The following RSRC1 variants were observed in gnomAD, a reference collection of about 807,000 sequenced individuals.
RSRC1 encodes serine/Arginine-related protein 53.
Under a neutral mutation model 49.1 loss-of-function variants are expected in RSRC1, and 39 were observed. The observed-to-expected ratio is 0.79, with a 90% CI of 0.61 to 1.04. The LOEUF (loss-of-function observed/expected upper bound fraction) is 1.04. Ranked by LOEUF, RSRC1 falls within the 50% of genes least tolerant of loss-of-function variation. RSRC1 has a pLI of 0.00. For missense variants in RSRC1, 388 were observed against 402.4 expected (o/e 0.96, Z 0.31); for synonymous variants, 143 against 130.8 (o/e 1.09, Z -0.63).
chr3:158,306,989 T>C (rs1221171852), intron 5 of RSRC1, among the ~76,000 whole-genome samples: 1 of 718 alleles, frequency 1.4e-3, no homozygotes, highest in Non-Finnish European at 2.2e-3. Flanking sequence ...TCAAAGTTAT[T>C]TTTTTTTTAA....
At chr3:158,250,618 T>G (rs1724155110) in intron 4 of RSRC1, among the ~76,000 whole-genome samples, 1 of 152,236 alleles carries the variant, frequency 6.6e-6, no homozygotes. Flanking sequence ...TGTCTTCCTT[T>G]GAGAAACATC....
At chr3:158,521,256 G>A (rs1322488645) in intron 7 of RSRC1, among the ~76,000 whole-genome samples, 1 of 152,074 alleles carries the variant, frequency 6.6e-6, no homozygotes. Flanking sequence ...GTCATCCCAC[G>A]CTAGTCACCA....
chr3:158,449,451 T>C (rs1203133876), intron 6 of RSRC1, among the ~76,000 whole-genome samples: 4 of 151,952 alleles, frequency 2.6e-5, no homozygotes, highest in Admixed American at 2.0e-4. Flanking sequence ...CTGCAGAATG[T>C]CTGAGAGCTT....
chr3:158,318,779 C>T (rs1480382558), intron 5 of RSRC1, among the ~76,000 whole-genome samples: 1 of 152,222 alleles, frequency 6.6e-6, no homozygotes, highest in African/African-American at 2.4e-5. Flanking sequence ...TTACATTACA[C>T]ATTCTGTTAA....
chr3:158,412,091 GA>G (rs902736019), intron 6 of RSRC1, among the ~76,000 whole-genome samples: 1 of 151,986 alleles, frequency 6.6e-6, no homozygotes, highest in African/African-American at 2.4e-5. Context: ...GTGTTTACAA[GA>G]AAAAATACTT....
intron 7 of RSRC1, among the ~76,000 whole-genome samples, chr3:158,536,199 T>G (rs1389694784): frequency 6.6e-6 from 1 of 151,450 alleles, no homozygotes; most frequent in African/African-American, 2.4e-5. Context: ...CAAAAGAAAT[T>G]GAACCTTAAT....
intron 4 of RSRC1, among the ~76,000 whole-genome samples, chr3:158,255,119 T>A (rs1040320771): frequency 2.6e-5 from 4 of 152,246 alleles, no homozygotes; most frequent in African/African-American, 9.6e-5. Flanking sequence ...TTTTGGTGTT[T>A]TAGTCATGAA....
chr3:158,488,998 T>C (rs1246290466), intron 7 of RSRC1, among the ~76,000 whole-genome samples: 1 of 152,188 alleles, frequency 6.6e-6, no homozygotes, highest in Non-Finnish European at 1.5e-5. Context: ...GAAGTTGTGT[T>C]GTAATAGCAC....
intron 7 of RSRC1, among the ~76,000 whole-genome samples, chr3:158,526,430 T>A (rs1369561): frequency 0.052 from 7,908 of 151,986 alleles, 300 homozygotes; most frequent in Middle Eastern, 0.082. Context: ...TTACCAAAAA[T>A]TAGGATCAAG....
At chr3:158,374,674 C>A (rs1352325121) in intron 6 of RSRC1, among the ~76,000 whole-genome samples, 1 of 152,038 alleles carries the variant, frequency 6.6e-6, no homozygotes, top group African/African-American at 2.4e-5. Context: ...GATTTAAGAA[C>A]CTTATACATG....
chr3:158,313,409 G>A (rs1728237655), intron 5 of RSRC1, among the ~76,000 whole-genome samples: 1 of 152,102 alleles, frequency 6.6e-6, no homozygotes, highest in Non-Finnish European at 1.5e-5. Context: ...TATTTATTAT[G>A]TTTTAATATG....
intron 5 of RSRC1, among the ~76,000 whole-genome samples, chr3:158,346,827 C>G (rs1428250428): frequency 6.6e-6 from 1 of 152,292 alleles, no homozygotes; most frequent in East Asian, 1.9e-4. Context: ...TGAATCTTAG[C>G]ACCTTTTATA....
intron 5 of RSRC1, among the ~76,000 whole-genome samples, chr3:158,305,888 C>T (rs991024485): frequency 9.2e-5 from 14 of 151,916 alleles, no homozygotes; most frequent in South Asian, 6.2e-4. Flanking sequence ...TTACTCATAG[C>T]GTTGTTAAAA....
chr3:158,162,289 A>T (rs368163865), intron 3 of RSRC1, among the ~76,000 whole-genome samples: 6 of 152,316 alleles, frequency 3.9e-5, no homozygotes, highest in Admixed American at 1.3e-4. Context: ...CTGACGCTGT[A>T]CTGAGCTCTG....
intron 7 of RSRC1, among the ~76,000 whole-genome samples, chr3:158,508,766 A>G (rs1740002739): frequency 6.6e-6 from 1 of 152,090 alleles, no homozygotes; most frequent in South Asian, 2.1e-4. Context: ...TATCAGATCA[A>G]CTTTTGTAGT....
intron 5 of RSRC1, among the ~76,000 whole-genome samples, chr3:158,313,219 T>C (rs540803502): frequency 1.3e-5 from 2 of 152,136 alleles, no homozygotes; most frequent in Non-Finnish European, 2.9e-5. Flanking sequence ...TCTCCATTAC[T>C]AATATTACTT....
At chr3:158,284,848 C>G (rs6774386) in intron 4 of RSRC1, among the ~76,000 whole-genome samples, 134,854 of 143,858 alleles carry the variant, frequency 0.94, 63,258 homozygotes, top group East Asian at 1. Context: ...TAGGTTGCCT[C>G]TTCACTCTGA....
In RSRC1 at chr3:158,354,922, A is replaced by C. The variant is rs1034997244; in HGVS notation, c.583+14A>C. ...TTGAAGCTGCTGGTAAGTGTTGATA[A>C]TTAACTTTTATTAAATGAAGAAGTG... On this transcript the variant is annotated intron_variant, in intron 6 of 9. Coordinates refer to ENST00000611884, the MANE Select transcript of RSRC1 (RefSeq NM_001271838.2). 9 of 1,521,332 alleles carry C rather than the reference A, an allele frequency of 5.9e-6. No individual in the cohort carries two copies. The African/African-American group carries it at 1.3e-4, about 22-fold the overall frequency. 94.2% of individuals were successfully genotyped at this position (1,521,332 alleles called of 1,614,324 possible). A position where few individuals can be genotyped will look rare whatever the true frequency, so the allele number is the denominator to read the frequency against.
chr3:158,114,567 T>C (rs967300521), intron 1 of RSRC1, among the ~76,000 whole-genome samples: 5 of 152,326 alleles, frequency 3.3e-5, no homozygotes, highest in Admixed American at 3.3e-4. Context: ...GGGAATAGCA[T>C]TGAATCTTTA....
Sources: gnomAD v4.1 joint callset for allele counts (sites outside exome capture counted in the v4.1 genomes callset) on GRCh38, gnomAD v4.1.1 for gene constraint, MANE v1.5 for transcripts, NCBI Gene and HGNC (gene_info 2026-07-23, HGNC 2026-07-21) for gene names.